Variants in MRAP2 observed in about 807,000 individuals in gnomAD.
The protein encoded by MRAP2 is melanocortin-2 receptor accessory protein 2.
MRAP2 carries 20 observed loss-of-function variants against 17.4 expected under a neutral mutation model. That is an observed-to-expected ratio of 1.15 (90% CI 0.81 to 1.67). MRAP2 has a LOEUF of 1.67. Among genes scored for constraint, MRAP2 ranks in the 40% most tolerant of loss-of-function variants. The pLI is 0.00. For synonymous variants in MRAP2, 96 were observed against 88.4 expected, an observed-to-expected ratio of 1.09 and a Z score of -0.48; for missense variants, 238 against 240.0, an observed-to-expected ratio of 0.99 and a Z score of 0.05.
intron 1 of MRAP2, among the ~76,000 whole-genome samples, chr6:84,041,367 G>A (rs754107899): frequency 4.6e-5 from 7 of 152,226 alleles, no homozygotes; most frequent in African/African-American, 1.7e-4. Context: ...TTAGGGCAAC[G>A]CAGAAAGGGA....
At chr6:84,139,226 G>T in the MRAP2 span, among the ~76,000 whole-genome samples, 65 of 152,304 alleles carry the variant, frequency 4.3e-4, no homozygotes, top group African/African-American at 1.5e-3. Context: ...AGAGGAATCT[G>T]CAGTACTCCA....
At position 84,076,369 on chromosome 6, in the gene MRAP2, G is replaced by T. The variant is rs151266800; in HGVS notation, c.228-12722G>T. 1.4e-4 allele frequency among the ~76,000 whole-genome samples: 21 copies of T among 152,104 alleles called. No homozygotes were observed. The East Asian group carries it at 4.1e-3, about 29-fold the overall frequency. On this transcript the variant is annotated intron_variant, in intron 3 of 3. Transcript: ENST00000257776. ...CTCCTGAGTAGCTAGGATTACAGGT[G>T]CCCACAACCATGCCCAGCTGAGTTT...
At chr6:84,040,433 G>A (rs539392457) in intron 1 of MRAP2, among the ~76,000 whole-genome samples, 56 of 152,314 alleles carry the variant, frequency 3.7e-4, no homozygotes, top group African/African-American at 9.1e-4. Flanking sequence ...ATGTGGAAGC[G>A]ACTTTGGAAC....
At chr6:84,081,820 AAATGAATG>A (rs71549598) in intron 3 of MRAP2, among the ~76,000 whole-genome samples, 25 of 151,934 alleles carry the variant, frequency 1.6e-4, no homozygotes, top group African/African-American at 9.7e-5. Flanking sequence ...TCCATCTTAA[AAATGAATG>A]AATGAATGAA....
chr6:84,073,584 A>G (rs982305099), intron 3 of MRAP2, among the ~76,000 whole-genome samples: 16 of 152,146 alleles, frequency 1.1e-4, no homozygotes, highest in Non-Finnish European at 1.3e-4. Flanking sequence ...TGGAGTTGCA[A>G]TCTAGTCCTG....
At chr6:84,099,526 C>G in the MRAP2 span, among the ~76,000 whole-genome samples, 1 of 152,112 alleles carries the variant, frequency 6.6e-6, no homozygotes, top group African/African-American at 2.4e-5. Flanking sequence ...GGGCAGATTC[C>G]TCATGAATGG....
At position 84,046,780 on chromosome 6, in the gene MRAP2, CAAAAAA is replaced by C. The variant is rs756963425; in HGVS notation, c.-7-8511_-7-8506del. On this transcript the variant is annotated intron_variant, in intron 1 of 3. Coordinates refer to ENST00000257776, the MANE Select transcript of MRAP2 (RefSeq NM_138409.4). The stretch of plus-strand genomic sequence containing the variant: ...TGGGCAACAGAGCGAAACTCCATCT[CAAAAAA>C]AAAAAAAAAAAAAAAAAAAAGGAGA... Among the ~76,000 whole-genome samples, 86 of 23,150 alleles carry C rather than the reference CAAAAAA, an allele frequency of 3.7e-3. 1 individual carries two copies. The East Asian group carries it at 0.097, about 26-fold the overall frequency. The allele number at this position is 23,150 out of a possible 152,430, so 15.2% of individuals were successfully genotyped here.
At position 84,052,844 on chromosome 6, in the gene MRAP2, C is replaced by T. The variant is rs73752612; in HGVS notation, c.-7-2468C>T. ...TTTGTCAGAGCTTTGCTCCTCTCTT[C>T]CCACCTTCAGGACTTTTGCACATGT... On this transcript the variant is annotated intron_variant, in intron 1 of 3. Coordinates refer to ENST00000257776, the MANE Select transcript of MRAP2 (RefSeq NM_138409.4). The T allele has an allele frequency of 6.8e-5, 66 of 977,128 alleles. 1 individual carries two copies. The African/African-American group carries it at 1.1e-3, about 17-fold the overall frequency. The allele number at this position is 977,128 out of a possible 1,614,324, so 60.5% of individuals were successfully genotyped here. A position where few individuals can be genotyped will look rare whatever the true frequency, so the allele number is the denominator to read the frequency against.
At chr6:84,142,071 A>G in the MRAP2 span, among the ~76,000 whole-genome samples, 1 of 152,306 alleles carries the variant, frequency 6.6e-6, no homozygotes, top group Admixed American at 6.5e-5. Context: ...ACTAAAGAAA[A>G]AAAGGCAGCC....
chr6:84,129,451 T>C, the MRAP2 span, among the ~76,000 whole-genome samples: 1 of 152,356 alleles, frequency 6.6e-6, no homozygotes, highest in South Asian at 2.1e-4. Context: ...GATGAGCTTT[T>C]TTTCATATGT....
At chr6:84,114,283 T>TTCTTTTTTC in the MRAP2 span, among the ~76,000 whole-genome samples, 900 of 152,232 alleles carry the variant, frequency 5.9e-3, 3 homozygotes, top group African/African-American at 0.021. Flanking sequence ...TTCCTTTTCA[T>TTCTTTTTTC]TCTTTTTTCT....
chr6:84,121,077 ATTTT>A, the MRAP2 span, among the ~76,000 whole-genome samples: 2 of 141,888 alleles, frequency 1.4e-5, no homozygotes, highest in African/African-American at 5.2e-5. Flanking sequence ...TTATTTTTTA[ATTTT>A]TTTTTTTTTT....
Position 84,089,386 on chromosome 6 carries a change from A to C in MRAP2, c.523A>C (p.Asn175His), listed in dbSNP as rs760235044. Residue 175 changes from asparagine to histidine, a missense_variant, in exon 4 of 4, where the codon AAC (asparagine) becomes CAC (histidine). By Grantham distance (68) the Asn-to-His change is moderately conservative. Transcript: ENST00000257776. Reference protein sequence around the residue: ...DIPNFVNTDQNYFGEDDLLIS... With the variant: ...DIPNFVNTDQHYFGEDDLLIS... ...CCCCAACTTTGTGAACACAGACCAGAACTACTTTGGGGAGGATGATCTTCT... is the reference window on the plus strand; with the variant it reads ...CCCCAACTTTGTGAACACAGACCAGCACTACTTTGGGGAGGATGATCTTCT... The C allele has an allele frequency of 6.2e-7, 1 of 1,614,162 alleles. No individual in the cohort carries two copies. The highest frequency in any genetic ancestry group is 1.1e-5 in the South Asian group (1 of 91,080).
At chr6:84,071,578 A>G (rs762573976) in intron 3 of MRAP2, among the ~76,000 whole-genome samples, 2 of 152,142 alleles carry the variant, frequency 1.3e-5, no homozygotes, top group Non-Finnish European at 2.9e-5. Context: ...TCTTTTTGAG[A>G]TGAATTTCCT....
rs926653920 is a variant in MRAP2 at position 84,089,790 on chromosome 6, A to G, written c.*309A>G. 2.6e-4 allele frequency: 71 copies of G among 274,312 alleles called. No homozygotes were observed. Among genetic ancestry groups the G allele is most frequent in the Non-Finnish European group, 4.0e-4 (59 of 148,286 alleles). The allele number at this position is 274,312 out of a possible 1,614,324, so 17.0% of individuals were successfully genotyped here. ...GAATGTGGCCCAATACAAATTTTAAACTTTATTAAAACATGAGTTTTGTTT... is the reference window on the plus strand; with the variant it reads ...GAATGTGGCCCAATACAAATTTTAAGCTTTATTAAAACATGAGTTTTGTTT... On this transcript the variant is annotated 3_prime_UTR_variant, in exon 4 of 4. Coordinates refer to ENST00000257776, the MANE Select transcript of MRAP2 (RefSeq NM_138409.4).
the MRAP2 span, chr6:84,125,103 A>T: frequency 6.2e-7 from 1 of 1,613,140 alleles, no homozygotes; most frequent in Non-Finnish European, 8.5e-7. Context: ...CATCTGCAAA[A>T]GCAACTGGCA....
At chr6:84,093,662 T>C (rs577045974), downstream of MRAP2, among the ~76,000 whole-genome samples, 27 of 152,312 alleles carry the variant, frequency 1.8e-4, no homozygotes, top group African/African-American at 5.8e-4. Flanking sequence ...TATCAGGGCA[T>C]GTATAGGAGG....
At chr6:84,100,858 A>G in the MRAP2 span, among the ~76,000 whole-genome samples, 3 of 152,120 alleles carry the variant, frequency 2.0e-5, no homozygotes, top group African/African-American at 7.2e-5. Flanking sequence ...TATACTTTGC[A>G]GGAGTGAGCC....
At chr6:84,095,961 A>G in the MRAP2 span, among the ~76,000 whole-genome samples, 1 of 152,222 alleles carries the variant, frequency 6.6e-6, no homozygotes, top group African/African-American at 2.4e-5. Context: ...ATACCTAGTG[A>G]GAGGTCTCCA....
Sources: allele counts gnomAD v4.1 joint callset (sites outside exome capture counted in the v4.1 genomes callset), GRCh38; gene constraint gnomAD v4.1.1; transcripts MANE v1.5; gene names NCBI Gene and HGNC (gene_info 2026-07-23, HGNC 2026-07-21).